Variants in NRG3 observed in about 807,000 individuals in gnomAD.
NRG3 encodes the protein pro-neuregulin-3, membrane-bound isoform.
In NRG3, 31 loss-of-function variants were observed where a neutral mutation model predicts 66.9. The ratio of observed to expected loss-of-function variants is 0.46; its 90% confidence interval spans 0.35 to 0.63. NRG3 has a LOEUF of 0.63. Among genes scored for constraint, NRG3 ranks in the 20% least tolerant of loss-of-function variants. The pLI, the probability that NRG3 is intolerant of heterozygous loss-of-function variation, is 0.00. For synonymous variants in NRG3, 393 were observed against 359.4 expected, an observed-to-expected ratio of 1.09 and a Z score of -1.06; for missense variants, 910 against 878.9, an observed-to-expected ratio of 1.04 and a Z score of -0.45.
chr10:82,600,959 T>C (rs192970282), intron 2 of NRG3, among the ~76,000 whole-genome samples: 1 of 152,190 alleles, frequency 6.6e-6, no homozygotes, highest in East Asian at 1.9e-4. Flanking sequence ...CCACCCCTTT[T>C]GGAGTCTCCA....
At chr10:82,005,522 A>C (rs1239932407) in intron 1 of NRG3, among the ~76,000 whole-genome samples, 1 of 152,208 alleles carries the variant, frequency 6.6e-6, no homozygotes, top group Non-Finnish European at 1.5e-5. Flanking sequence ...ATTTCTGTAA[A>C]CATGCACCAA....
chr10:82,939,715 C>T (rs915004996), intron 4 of NRG3, among the ~76,000 whole-genome samples: 1 of 151,968 alleles, frequency 6.6e-6, no homozygotes, highest in Non-Finnish European at 1.5e-5. Flanking sequence ...GTGATCCACC[C>T]GCCTCGGCCT....
intron 2 of NRG3, among the ~76,000 whole-genome samples, chr10:82,439,936 G>A (rs2090344929): frequency 6.6e-6 from 1 of 151,874 alleles, no homozygotes; most frequent in Admixed American, 6.6e-5. Flanking sequence ...ATGTTTTGTT[G>A]TTGCTTTGTT....
chr10:82,706,980 T>C (rs1811965), intron 2 of NRG3, among the ~76,000 whole-genome samples: 74,624 of 146,496 alleles, frequency 0.51, 20,475 homozygotes, highest in East Asian at 0.66. Flanking sequence ...GGTGACAGAG[T>C]AAGACTCCAT....
intron 2 of NRG3, among the ~76,000 whole-genome samples, chr10:82,394,799 T>C (rs1332343664): frequency 3.3e-5 from 5 of 152,210 alleles, no homozygotes. Flanking sequence ...TAGTGGTAGA[T>C]GAGGACCTGA....
intron 1 of NRG3, among the ~76,000 whole-genome samples, chr10:81,998,739 G>A (rs2061045967): frequency 6.6e-6 from 1 of 152,190 alleles, no homozygotes; most frequent in Non-Finnish European, 1.5e-5. Context: ...AACATCATGA[G>A]AAATAAGTCT....
At position 82,488,963 on chromosome 10, in the gene NRG3, A is replaced by T. The variant is rs543086186; in HGVS notation, c.953+130095A>T. Reference sequence around the variant, plus strand: ...GTTGGGATCACTTTTGTGTCCAGTTACCTAATATATATATAGGCCTAATCA... The same window carrying T: ...GTTGGGATCACTTTTGTGTCCAGTTTCCTAATATATATATAGGCCTAATCA... On this transcript the variant is annotated intron_variant, in intron 2 of 8. Transcript: ENST00000372141. 1.4e-4 allele frequency among the ~76,000 whole-genome samples: 22 copies of T among 152,226 alleles called. No individual in the cohort carries two copies. The South Asian group carries it at 4.6e-3, about 32-fold the overall frequency.
intron 3 of NRG3, among the ~76,000 whole-genome samples, chr10:82,843,845 C>T (rs2063179900): frequency 6.6e-6 from 1 of 152,084 alleles, no homozygotes; most frequent in African/African-American, 2.4e-5. Flanking sequence ...TAAAATGAGA[C>T]ATTAAGTAAT....
In NRG3 at chr10:82,946,537, C is replaced by CA. The variant is rs781235674; in HGVS notation, c.1055-4921dup. Reference sequence around the variant, plus strand: ...CTGGTGACAGAGCAGGACTCTGCCTCAAAAAAAAAAAGCCAGCAGAAGAAT... The same window carrying CA: ...CTGGTGACAGAGCAGGACTCTGCCTCAAAAAAAAAAAAGCCAGCAGAAGAAT... On this transcript the variant is annotated intron_variant, in intron 4 of 8. Transcript: ENST00000372141. Among the ~76,000 whole-genome samples, 1,059 of 129,972 alleles carry CA rather than the reference C, an allele frequency of 8.1e-3. 5 individuals carry two copies. The highest frequency in any genetic ancestry group is 0.01 in the Non-Finnish European group (622 of 60,918). The allele number at this position is 129,972 out of a possible 152,430, so 85.3% of individuals were successfully genotyped here.
At chr10:82,453,293 A>G (rs146655009) in intron 2 of NRG3, among the ~76,000 whole-genome samples, 11 of 152,176 alleles carry the variant, frequency 7.2e-5, no homozygotes, top group Non-Finnish European at 1.6e-4. Flanking sequence ...GCTAGGCCGT[A>G]TTATGAGTAA....
chr10:82,817,630 C>G (rs1357831121), intron 3 of NRG3, among the ~76,000 whole-genome samples: 1 of 152,128 alleles, frequency 6.6e-6, no homozygotes, highest in African/African-American at 2.4e-5. Context: ...CCCCAAAACA[C>G]CGAATAAAGA....
At chr10:82,750,856 C>A (rs2058834190) in intron 3 of NRG3, among the ~76,000 whole-genome samples, 1 of 152,040 alleles carries the variant, frequency 6.6e-6, no homozygotes, top group Non-Finnish European at 1.5e-5. Flanking sequence ...GCAAAACATT[C>A]TCCATCATTT....
chr10:82,340,510 A>C (rs2135384810), intron 1 of NRG3, among the ~76,000 whole-genome samples: 1 of 152,350 alleles, frequency 6.6e-6, no homozygotes, highest in Admixed American at 6.5e-5. Context: ...GATTCAAATA[A>C]GAGCTAAAAC....
In NRG3 at chr10:82,816,063, G is replaced by A. The variant is rs370440059; in HGVS notation, c.1028-49348G>A. 3.8e-4 allele frequency among the ~76,000 whole-genome samples: 58 copies of A among 152,318 alleles called. No individual in the cohort carries two copies. The East Asian group carries it at 9.9e-3, about 26-fold the overall frequency. On this transcript the variant is annotated intron_variant, in intron 3 of 8. Coordinates refer to ENST00000372141, the MANE Select transcript of NRG3 (RefSeq NM_001010848.4). ...TTGCCCAGAAGCTTGGAGACACCAG[G>A]AACCACAGAGCCCCAAAAAGGGTGT... is the stretch of plus-strand genomic sequence containing the variant.
At chr10:82,308,794 G>A (rs1415846183) in intron 1 of NRG3, among the ~76,000 whole-genome samples, 1 of 152,038 alleles carries the variant, frequency 6.6e-6, no homozygotes, top group Non-Finnish European at 1.5e-5. Flanking sequence ...AGCTCTCTGG[G>A]ACTCAGGCTG....
Position 82,132,516 on chromosome 10 carries a change from G to T in NRG3, c.824-226223G>T, listed in dbSNP as rs1439268875. ...TGATATATATATATCATATATATAT[G>T]ATATATATGATATATATATGATATA... On this transcript the variant is annotated intron_variant, in intron 1 of 8. Coordinates refer to ENST00000372141, the MANE Select transcript of NRG3 (RefSeq NM_001010848.4). Among the ~76,000 whole-genome samples, 34 of 11,836 alleles carry T rather than the reference G, an allele frequency of 2.9e-3. 1 individual carries two copies. The highest frequency in any genetic ancestry group is 7.4e-3 in the South Asian group (4 of 542). The allele number at this position is 11,836 out of a possible 152,430, so 7.8% of individuals were successfully genotyped here.
At chr10:81,912,441 C>T (rs1845259391) in intron 1 of NRG3, among the ~76,000 whole-genome samples, 1 of 152,146 alleles carries the variant, frequency 6.6e-6, no homozygotes, top group Admixed American at 6.5e-5. Flanking sequence ...AGGCTGGTCT[C>T]AAACTCCTGG....
intron 3 of NRG3, among the ~76,000 whole-genome samples, chr10:82,827,442 G>C (rs951565987): frequency 6.6e-6 from 1 of 152,116 alleles, no homozygotes; most frequent in Non-Finnish European, 1.5e-5. Context: ...GTACTTCCTG[G>C]AGCAGAATGG....
intron 2 of NRG3, among the ~76,000 whole-genome samples, chr10:82,661,338 T>C (rs1376916997): frequency 6.6e-6 from 1 of 152,052 alleles, no homozygotes; most frequent in African/African-American, 2.4e-5. Context: ...TATATTTTAA[T>C]ATAATGTACA....
Sources: gnomAD v4.1 joint callset for allele counts (sites outside exome capture counted in the v4.1 genomes callset) on GRCh38, gnomAD v4.1.1 for gene constraint, MANE v1.5 for transcripts, NCBI Gene and HGNC (gene_info 2026-07-23, HGNC 2026-07-21) for gene names.